The following TMPRSS11A variants were observed in gnomAD, a reference collection of about 807,000 sequenced individuals.
TMPRSS11A encodes the protein transmembrane protease serine 11A.
Under a neutral mutation model 58.9 loss-of-function variants are expected in TMPRSS11A, and 53 were observed. The observed-to-expected ratio is 0.90, with a 90% CI of 0.72 to 1.13. The LOEUF is 1.13. Among genes scored for constraint, TMPRSS11A ranks in the 50% most tolerant of loss-of-function variants. TMPRSS11A has a pLI of 0.00. For missense variants in TMPRSS11A, 493 were observed against 499.3 expected, an observed-to-expected ratio of 0.99 and a Z score of 0.12; for synonymous variants, 167 against 169.8, an observed-to-expected ratio of 0.98 and a Z score of 0.13.
At chr4:67,925,977 T>TA (rs779482494) in intron 5 of TMPRSS11A, among the ~76,000 whole-genome samples, 182 of 152,336 alleles carry the variant, frequency 1.2e-3, no homozygotes, top group Admixed American at 2.0e-3. Context: ...TTTCCTGGTA[T>TA]AGAAATGGAA....
intron 1 of TMPRSS11A, among the ~76,000 whole-genome samples, chr4:67,948,258 A>T (rs1238398006): frequency 6.8e-6 from 1 of 146,138 alleles, no homozygotes; most frequent in Non-Finnish European, 1.5e-5. Context: ...TCCCAGGTTC[A>T]CGCCATTCTC....
intron 2 of TMPRSS11A, among the ~76,000 whole-genome samples, chr4:67,945,128 C>A (rs1218875644): frequency 6.6e-6 from 1 of 152,074 alleles, no homozygotes; most frequent in Non-Finnish European, 1.5e-5. Context: ...GAGAGCCAGG[C>A]ACACTAAGAA....
At chr4:67,924,623 G>T (rs949623054) in intron 5 of TMPRSS11A, among the ~76,000 whole-genome samples, 3 of 152,174 alleles carry the variant, frequency 2.0e-5, no homozygotes, top group Non-Finnish European at 4.4e-5. Context: ...GTTCCATGTG[G>T]CTGGGGAGGC....
At chr4:67,920,908 T>C (rs376962241) in intron 7 of TMPRSS11A, among the ~76,000 whole-genome samples, 43 of 152,302 alleles carry the variant, frequency 2.8e-4, no homozygotes, top group South Asian at 6.2e-4. Flanking sequence ...TCATGCCCTT[T>C]GCAGGGACAT....
At chr4:67,954,256 G>C (rs1200845018) in intron 1 of TMPRSS11A, among the ~76,000 whole-genome samples, 1 of 152,154 alleles carries the variant, frequency 6.6e-6, no homozygotes, top group East Asian at 1.9e-4. Context: ...AGGCTGAAGG[G>C]GACTGAGAGC....
intron 1 of TMPRSS11A, among the ~76,000 whole-genome samples, chr4:67,947,054 C>T (rs750147133): frequency 6.6e-6 from 1 of 151,854 alleles, no homozygotes. Flanking sequence ...ATATATATAT[C>T]ACATTATTAT....
intron 9 of TMPRSS11A, among the ~76,000 whole-genome samples, chr4:67,911,977 C>T (rs763269541): frequency 2.9e-4 from 44 of 152,292 alleles, no homozygotes; most frequent in Non-Finnish European, 5.7e-4. Flanking sequence ...AACTTTTCCA[C>T]ACCACATCTT....
At chr4:67,939,418 CTCGA>C (rs1720827667) in intron 3 of TMPRSS11A, among the ~76,000 whole-genome samples, 1 of 152,110 alleles carries the variant, frequency 6.6e-6, no homozygotes, top group Non-Finnish European at 1.5e-5. Flanking sequence ...CTTTCTCCTG[CTCGA>C]TTGCTCTTTC....
chr4:67,952,854 T>C (rs989904567), intron 1 of TMPRSS11A, among the ~76,000 whole-genome samples: 9 of 152,182 alleles, frequency 5.9e-5, no homozygotes, highest in African/African-American at 1.9e-4. Context: ...TCTCAAATAG[T>C]GTTTCCAAGT....
intron 1 of TMPRSS11A, among the ~76,000 whole-genome samples, chr4:67,954,981 A>T (rs1179889895): frequency 6.6e-6 from 1 of 152,206 alleles, no homozygotes; most frequent in African/African-American, 2.4e-5. Context: ...TATTGTTATT[A>T]TTATTACAGA....
intron 1 of TMPRSS11A, among the ~76,000 whole-genome samples, chr4:67,950,495 T>C (rs1466103101): frequency 6.6e-6 from 1 of 152,242 alleles, no homozygotes; most frequent in Admixed American, 6.5e-5. Context: ...TACTCTCCCA[T>C]CTTCAAGCCA....
chr4:67,948,409 C>T (rs1186198759), intron 1 of TMPRSS11A, among the ~76,000 whole-genome samples: 3 of 152,116 alleles, frequency 2.0e-5, no homozygotes, highest in African/African-American at 4.8e-5. Context: ...CCACCCACCT[C>T]GGCCTCCCAA....
chr4:67,943,422 T>C (rs1399081063), intron 3 of TMPRSS11A, among the ~76,000 whole-genome samples: 2 of 152,200 alleles, frequency 1.3e-5, no homozygotes, highest in African/African-American at 2.4e-5. Context: ...TTTATCTTTT[T>C]AACTAAGGCA....
At chr4:67,932,215 A>T (rs1720644529) in intron 3 of TMPRSS11A, among the ~76,000 whole-genome samples, 155 bp from the exon 4 acceptor site, 1 of 152,180 alleles carries the variant, frequency 6.6e-6, no homozygotes, top group Admixed American at 6.6e-5. Context: ...CAACAGAATC[A>T]TTTGATGAAT....
chr4:67,920,558 T>TTA (rs919037304), intron 7 of TMPRSS11A, among the ~76,000 whole-genome samples: 13 of 145,922 alleles, frequency 8.9e-5, no homozygotes, highest in Non-Finnish European at 1.7e-4. Context: ...TATTTTTTTT[T>TTA]ATATATACAC....
At chr4:67,920,549 A>ATTTTT (rs1553922035) in intron 7 of TMPRSS11A, among the ~76,000 whole-genome samples, 94 of 130,894 alleles carry the variant, frequency 7.2e-4, no homozygotes, top group Admixed American at 5.2e-3. Flanking sequence ...ATATATATAT[A>ATTTTT]TTTTTTTTTA....
chr4:67,917,322 T>C (rs1430758330), intron 8 of TMPRSS11A, among the ~76,000 whole-genome samples: 1 of 152,166 alleles, frequency 6.6e-6, no homozygotes, highest in Non-Finnish European at 1.5e-5. Context: ...TTTCATTTAG[T>C]TCTATTTGTT....
chr4:67,930,044 T>C lies in TMPRSS11A; in HGVS notation c.321-4A>G, dbSNP rs1720572355. 1 of 1,601,530 alleles carries C rather than the reference T, an allele frequency of 6.2e-7. No homozygotes were observed. The highest frequency in any genetic ancestry group is 1.3e-5 in the African/African-American group (1 of 74,684). ...TTTCACACCATCTTCCTCTGGACTG[T>C]GACACACAAAAGAAAGGTACATTTT... is the stretch of plus-strand genomic sequence containing the variant. On this transcript the variant is annotated splice_polypyrimidine_tract_variant and splice_region_variant and intron_variant, in intron 4 of 9. Coordinates refer to ENST00000508048, the MANE Select transcript of TMPRSS11A (RefSeq NM_001114387.2).
chr4:67,924,958 G>T (rs1294404815), intron 5 of TMPRSS11A, among the ~76,000 whole-genome samples: 1 of 144,546 alleles, frequency 6.9e-6, no homozygotes, highest in African/African-American at 2.6e-5. Context: ...TATTTACTTC[G>T]AATTTCACAT....
Sources: allele counts gnomAD v4.1 joint callset (sites outside exome capture counted in the v4.1 genomes callset), GRCh38; gene constraint gnomAD v4.1.1; transcripts MANE v1.5; gene names NCBI Gene and HGNC (gene_info 2026-07-23, HGNC 2026-07-21).